CSMD1: variants seen among roughly 807,000 people sequenced by gnomAD.
CSMD1 encodes the protein CUB and sushi domain-containing protein 1.
Under a neutral mutation model 417.5 loss-of-function variants are expected in CSMD1, and 213 were observed. The ratio of observed to expected loss-of-function variants is 0.51; its 90% confidence interval spans 0.46 to 0.57. The LOEUF (loss-of-function observed/expected upper bound fraction) is 0.57. Among genes scored for constraint, CSMD1 ranks in the 20% least tolerant of loss-of-function variants. The probability of loss-of-function intolerance (pLI) is 0.00; values close to 1 mark genes in which losing one functional copy is unlikely to be tolerated. For synonymous variants in CSMD1, 2,862 were observed against 1,736.8 expected (o/e 1.65, Z -16.11); for missense variants, 6,923 against 4,529.7 (o/e 1.53, Z -15.17).
At chr8:3,716,448 C>G (rs1300494583) in intron 6 of CSMD1, among the ~76,000 whole-genome samples, 2 of 152,154 alleles carry the variant, frequency 1.3e-5, no homozygotes, top group Non-Finnish European at 2.9e-5. Flanking sequence ...TCATGCCTCC[C>G]TTTTTTAGAC....
At chr8:4,400,390 G>C (rs766454148) in intron 3 of CSMD1, among the ~76,000 whole-genome samples, 3 of 152,238 alleles carry the variant, frequency 2.0e-5, no homozygotes, top group African/African-American at 7.2e-5. Flanking sequence ...TATCCATCCT[G>C]TGTTTGCCGT....
intron 2 of CSMD1, among the ~76,000 whole-genome samples, chr8:4,614,576 G>C (rs1217462680): frequency 2.0e-5 from 3 of 151,890 alleles, no homozygotes; most frequent in Admixed American, 2.0e-4. Context: ...CTAGAACATA[G>C]AACACAGGAA....
At chr8:3,352,070 G>A (rs963564864) in intron 21 of CSMD1, among the ~76,000 whole-genome samples, 6 of 152,022 alleles carry the variant, frequency 3.9e-5, no homozygotes, top group Admixed American at 1.3e-4. Flanking sequence ...ATTAGCCATT[G>A]TATCCTGAGG....
chr8:4,227,633 C>T (rs1801438709), intron 3 of CSMD1, among the ~76,000 whole-genome samples: 1 of 152,048 alleles, frequency 6.6e-6, no homozygotes, highest in Non-Finnish European at 1.5e-5. Context: ...ACTCGGCCTT[C>T]TTCCTACCAA....
At chr8:3,254,977 C>A (rs2117053163) in intron 26 of CSMD1, among the ~76,000 whole-genome samples, 1 of 152,252 alleles carries the variant, frequency 6.6e-6, no homozygotes, top group Middle Eastern at 3.4e-3. Context: ...TTTTTCTGCT[C>A]TGTTTTTTCC....
intron 1 of CSMD1, among the ~76,000 whole-genome samples, chr8:4,920,340 A>G (rs1387603816): frequency 1.3e-5 from 2 of 152,214 alleles, no homozygotes; most frequent in African/African-American, 2.4e-5. Context: ...GAAAATTAGA[A>G]TATTAATAAC....
chr8:4,813,794 T>A (rs1016150986), intron 1 of CSMD1, among the ~76,000 whole-genome samples: 1 of 152,188 alleles, frequency 6.6e-6, no homozygotes, highest in African/African-American at 2.4e-5. Flanking sequence ...TGAGAATGTC[T>A]AGGGTTGCCA....
At chr8:4,919,699 A>G (rs4875408) in intron 1 of CSMD1, among the ~76,000 whole-genome samples, 27,428 of 152,150 alleles carry the variant, frequency 0.18, 4,690 homozygotes, top group African/African-American at 0.45. Context: ...TGTCCCCTCT[A>G]AAATCTGGGT....
At chr8:3,944,832 G>C (rs368526257) in intron 5 of CSMD1, among the ~76,000 whole-genome samples, 32 of 152,104 alleles carry the variant, frequency 2.1e-4, no homozygotes, top group Non-Finnish European at 8.8e-5. Flanking sequence ...CCAATAATTA[G>C]AGCTAGTTCT....
intron 8 of CSMD1, among the ~76,000 whole-genome samples, chr8:3,613,116 TAAAG>T (rs898197371): frequency 1.3e-5 from 2 of 151,968 alleles, no homozygotes; most frequent in Non-Finnish European, 2.9e-5. Context: ...TAAAGGATAA[TAAAG>T]AAAGATAAGA....
intron 49 of CSMD1, among the ~76,000 whole-genome samples, chr8:3,071,700 C>A (rs1173392143): frequency 6.6e-6 from 1 of 152,166 alleles, no homozygotes; most frequent in Non-Finnish European, 1.5e-5. Flanking sequence ...AGCAAAAAAA[C>A]TACCATTCAT....
intron 1 of CSMD1, among the ~76,000 whole-genome samples, chr8:4,784,717 G>A (rs1236113099): frequency 6.6e-6 from 1 of 152,108 alleles, no homozygotes; most frequent in Admixed American, 6.5e-5. Context: ...TAATGTATTG[G>A]AATGTTAATA....
chr8:3,600,483 T>C (rs10503210), intron 8 of CSMD1, among the ~76,000 whole-genome samples: 5,573 of 152,232 alleles, frequency 0.037, 239 homozygotes, highest in East Asian at 0.13. Context: ...TCAGGGTTGA[T>C]TGGAAAAGGG....
At chr8:4,189,547 C>G (rs943432517) in intron 3 of CSMD1, among the ~76,000 whole-genome samples, 1 of 152,112 alleles carries the variant, frequency 6.6e-6, no homozygotes, top group African/African-American at 2.4e-5. Context: ...TGGTTACCAT[C>G]AATTATCCCT....
At chr8:3,909,190 T>C (rs561437972) in intron 5 of CSMD1, among the ~76,000 whole-genome samples, 2 of 152,248 alleles carry the variant, frequency 1.3e-5, no homozygotes, top group African/African-American at 2.4e-5. Flanking sequence ...CTAAGATTTG[T>C]GGATGTGACA....
At chr8:3,001,566 C>T (rs1807408356) in intron 52 of CSMD1, among the ~76,000 whole-genome samples, 1 of 152,150 alleles carries the variant, frequency 6.6e-6, no homozygotes, top group African/African-American at 2.4e-5. Context: ...GTTGCATCAA[C>T]ATTTCTTTTT....
At chr8:4,971,696 T>C (rs1810249840) in intron 1 of CSMD1, among the ~76,000 whole-genome samples, 1 of 151,418 alleles carries the variant, frequency 6.6e-6, no homozygotes, top group Admixed American at 6.6e-5. Context: ...GAAATATATA[T>C]ATATATATAT....
chr8:4,360,381 G>C (rs1327327094), intron 3 of CSMD1, among the ~76,000 whole-genome samples: 1 of 152,128 alleles, frequency 6.6e-6, no homozygotes, highest in African/African-American at 2.4e-5. Context: ...CTAATTGTAA[G>C]TTACTGCAAA....
intron 7 of CSMD1, among the ~76,000 whole-genome samples, chr8:3,626,229 G>C (rs1275904822): frequency 6.6e-6 from 1 of 152,176 alleles, no homozygotes; most frequent in Non-Finnish European, 1.5e-5. Flanking sequence ...CACCGGCTTA[G>C]CTGGAGGACT....
Sources: gnomAD v4.1 joint callset for allele counts (sites outside exome capture counted in the v4.1 genomes callset) on GRCh38, gnomAD v4.1.1 for gene constraint, MANE v1.5 for transcripts, NCBI Gene and HGNC (gene_info 2026-07-23, HGNC 2026-07-21) for gene names.